Variants in TECPR2 observed in about 807,000 individuals in gnomAD.
TECPR2 encodes tectonin beta-propeller repeat-containing protein 2.
In TECPR2, 65 loss-of-function variants were observed where a neutral mutation model predicts 138.1. The ratio of observed to expected loss-of-function variants is 0.47; its 90% CI spans 0.39 to 0.58. The LOEUF (loss-of-function observed/expected upper bound fraction) is 0.58. TECPR2 is among the 20% of genes least tolerant of loss of function. TECPR2 has a pLI of 0.00. For synonymous variants in TECPR2, 746 were observed against 749.8 expected (o/e 0.99, Z 0.08); for missense variants, 1,553 against 1,824.5 (o/e 0.85, Z 2.71).
intron 7 of TECPR2, among the ~76,000 whole-genome samples, chr14:102,429,258 A>T (rs955450974): frequency 1.3e-5 from 2 of 152,208 alleles, no homozygotes; most frequent in African/African-American, 4.8e-5. Flanking sequence ...TGGTTGTGGA[A>T]GATGGGGAGA....
intron 5 of TECPR2, among the ~76,000 whole-genome samples, chr14:102,418,590 C>A (rs1036942095): frequency 5.3e-5 from 8 of 152,066 alleles, no homozygotes; most frequent in African/African-American, 1.9e-4. Flanking sequence ...TGGGGAGCCC[C>A]CTCCCGTCGG....
intron 4 of TECPR2, among the ~76,000 whole-genome samples, chr14:102,410,596 C>T (rs978558497): frequency 7.9e-5 from 12 of 151,706 alleles, no homozygotes; most frequent in Admixed American, 2.6e-4. Flanking sequence ...GGCCTGTCCT[C>T]GGAATGCTAC....
chr14:102,440,890 A>T (rs545375017), intron 11 of TECPR2, among the ~76,000 whole-genome samples: 1 of 152,332 alleles, frequency 6.6e-6, no homozygotes, highest in African/African-American at 2.4e-5. Flanking sequence ...CAACCACCGC[A>T]TATCACGTAT....
Position 102,443,072 on chromosome 14 carries a change from G to A in TECPR2, c.2753-575G>A, listed in dbSNP as rs1595128967. ...CCAGTCAGAGCAGAGAGGAGCCGCCGTGCTGGAGCTCTCTGCAGGAACGAC... is the reference window on the plus strand; with the variant it reads ...CCAGTCAGAGCAGAGAGGAGCCGCCATGCTGGAGCTCTCTGCAGGAACGAC... On this transcript the variant is annotated intron_variant, in intron 11 of 19. Transcript: ENST00000359520. This position sits in a 1 kb window ranked among gnomAD's most constrained non-coding sequence, Gnocchi z 4.9. Among the ~76,000 whole-genome samples the A allele has an allele frequency of 6.6e-6, 1 of 152,202 alleles. No individual in the cohort carries two copies. Among genetic ancestry groups the A allele is most frequent in the African/African-American group, 2.4e-5 (1 of 41,458 alleles).
At position 102,419,018 on chromosome 14, in the gene TECPR2, G is replaced by A. The variant is rs114275556; in HGVS notation, c.638+4225G>A. Among the ~76,000 whole-genome samples the A allele has an allele frequency of 0.016, 2,394 of 152,156 alleles. 66 individuals are homozygous for A. Among genetic ancestry groups the A allele is most frequent in the African/African-American group, 0.055 (2,277 of 41,500 alleles). On this transcript the variant is annotated intron_variant, in intron 5 of 19. Coordinates refer to ENST00000359520, the MANE Select transcript of TECPR2 (RefSeq NM_014844.5). This position sits in a 1 kb window ranked among gnomAD's most constrained non-coding sequence, Gnocchi z 4.8. ...CCTCTCCCTGCAGTGGAGAGCTGGC[G>A]TGGGAGGCGGGTGGCGGGTGTACCT...
At chr14:102,487,763 A>C (rs907500819) in intron 17 of TECPR2, among the ~76,000 whole-genome samples, 14 of 150,318 alleles carry the variant, frequency 9.3e-5, no homozygotes, top group African/African-American at 2.9e-4. Flanking sequence ...GGATGGTCTC[A>C]ATCTCCTGAC....
intron 2 of TECPR2, among the ~76,000 whole-genome samples, chr14:102,406,715 T>C (rs937634764): frequency 6.6e-6 from 1 of 151,988 alleles, no homozygotes; most frequent in Non-Finnish European, 1.5e-5. Flanking sequence ...ATTACCTGGG[T>C]GTGGGGCACA....
rs1372329146 is a variant in TECPR2 at position 102,414,784 on chromosome 14, C to A, written c.629C>A (p.Pro210Gln). Residue 210 changes from proline to glutamine, a missense_variant, in exon 5 of 20, where the codon CCA (proline) becomes CAA (glutamine). Transcript: ENST00000359520. The stretch of plus-strand genomic sequence containing the variant: ...TCTGTAAGGCAAATTGGAACACAAC[C>A]AAGGAAAAGGTAAGTTTCACAAGTT... Reference protein sequence around the residue: ...EKSVRQIGTQPRKSTGKFGAC... With the variant: ...EKSVRQIGTQQRKSTGKFGAC... The A allele has an allele frequency of 1.9e-6, 3 of 1,614,058 alleles. No individual in the cohort carries two copies. Among genetic ancestry groups the A allele is most frequent in the Non-Finnish European group, 2.5e-6 (3 of 1,179,974 alleles).
chr14:102,409,782 G>A (rs2139696133), intron 4 of TECPR2, among the ~76,000 whole-genome samples: 1 of 152,182 alleles, frequency 6.6e-6, no homozygotes, highest in Admixed American at 6.5e-5. Flanking sequence ...CACCATGTTA[G>A]AAGTTACAAC....
In TECPR2 at chr14:102,440,655, G is replaced by A. The variant is rs1354058923; in HGVS notation, c.2752+46G>A. ...GAGGCCTGCCAGCTCTGCCGTCACT[G>A]CCTCTGCTGCACCCTGCTTTGCTAG... On this transcript the variant is annotated intron_variant, in intron 11 of 19. Transcript: ENST00000359520. 4 of 1,592,578 alleles carry A rather than the reference G, an allele frequency of 2.5e-6. No individual in the cohort carries two copies. In the South Asian group the frequency reaches 3.4e-5, roughly 13 times the overall value.
rs1214150578 is a variant in TECPR2, at chr14:102,498,308, A to G, written c.*51A>G. On this transcript the variant is annotated 3_prime_UTR_variant, in exon 20 of 20. Coordinates refer to ENST00000359520, the MANE Select transcript of TECPR2 (RefSeq NM_014844.5). ...GGGGCCCGGCGTCTGTGGCGGGCAC[A>G]GGGGCTTCAGAGTGACTCCCTGGTG... The G allele has an allele frequency of 1.3e-6, 2 of 1,556,834 alleles. No homozygotes were observed. Among genetic ancestry groups the G allele is most frequent in the African/African-American group, 1.3e-5 (1 of 74,252 alleles).
chr14:102,380,360 G>A (rs1408155256), intron 2 of TECPR2, among the ~76,000 whole-genome samples: 1 of 152,214 alleles, frequency 6.6e-6, no homozygotes, highest in Non-Finnish European at 1.5e-5. Flanking sequence ...GTATTAGCCC[G>A]TTCTCATGCT....
chr14:102,400,213 T>G (rs2139684733), intron 2 of TECPR2, among the ~76,000 whole-genome samples: 1 of 152,126 alleles, frequency 6.6e-6, no homozygotes. Flanking sequence ...ACCCAGCTAA[T>G]TTTTGTATTT....
At chr14:102,404,594 T>TA (rs1888599837) in intron 2 of TECPR2, among the ~76,000 whole-genome samples, 1 of 151,722 alleles carries the variant, frequency 6.6e-6, no homozygotes, top group Non-Finnish European at 1.5e-5. Context: ...TTTTTTTTTT[T>TA]GAGACAGACT....
chr14:102,363,281 G>C (rs1340090459), intron 1 of TECPR2, among the ~76,000 whole-genome samples, 165 bp downstream of exon 1: 1 of 152,112 alleles, frequency 6.6e-6, no homozygotes, highest in Non-Finnish European at 1.5e-5. Context: ...TCGCCCGCGC[G>C]GAGTGGCGGA....
chr14:102,392,138 G>A (rs1207441501), intron 2 of TECPR2, among the ~76,000 whole-genome samples: 5 of 151,880 alleles, frequency 3.3e-5, no homozygotes, highest in Admixed American at 3.3e-4. Context: ...ACAGGTGCTC[G>A]CCACCACACC....
intron 17 of TECPR2, among the ~76,000 whole-genome samples, chr14:102,477,308 TGTG>T (rs992452205): frequency 1.3e-5 from 2 of 150,896 alleles, no homozygotes; most frequent in African/African-American, 4.9e-5. Flanking sequence ...AGGCAGAGGT[TGTG>T]GTGAACCGTG....
At chr14:102,426,106 C>A (rs925871872) in intron 6 of TECPR2, among the ~76,000 whole-genome samples, 1 of 151,172 alleles carries the variant, frequency 6.6e-6, no homozygotes, top group Non-Finnish European at 1.5e-5. Context: ...AGGCTGGTCT[C>A]GAACTCCTGA....
Position 102,500,905 on chromosome 14 carries a change from CAGAG to C in TECPR2, c.*2651_*2654del, listed in dbSNP as rs1891422395. The C allele has an allele frequency of 6.6e-6, 1 of 152,280 alleles. No individual in the cohort carries two copies. Among genetic ancestry groups the C allele is most frequent in the Non-Finnish European group, 1.5e-5 (1 of 68,072 alleles). 9.4% of individuals were successfully genotyped at this position (152,280 alleles called of 1,614,324 possible). A position where few individuals can be genotyped will look rare whatever the true frequency, so the allele number is the denominator to read the frequency against. On this transcript the variant is annotated 3_prime_UTR_variant, in exon 20 of 20. Coordinates refer to ENST00000359520, the MANE Select transcript of TECPR2 (RefSeq NM_014844.5). The stretch of plus-strand genomic sequence containing the variant: ...GAAGTCTCATTAGCCCCTTGAGACT[CAGAG>C]AGGTTAGGTAACTTGCTCAAGGTCA...
Sources: gnomAD v4.1 joint callset for allele counts (sites outside exome capture counted in the v4.1 genomes callset) on GRCh38, gnomAD v4.1.1 for gene constraint, Gnocchi (gnomAD v3.1) non-coding constraint, MANE v1.5 for transcripts, NCBI Gene and HGNC (gene_info 2026-07-23, HGNC 2026-07-21) for gene names.